RANBP2: variants seen among roughly 807,000 people sequenced by gnomAD.
RANBP2 encodes RAN binding protein 2.
In RANBP2, 57 loss-of-function variants were observed where a neutral mutation model predicts 303.6. The observed-to-expected ratio is 0.19, with a 90% CI of 0.15 to 0.23. The LOEUF (loss-of-function observed/expected upper bound fraction) is 0.23, where lower values mean the gene tolerates loss of function less well. Among genes scored for constraint, RANBP2 ranks in the 10% least tolerant of loss-of-function variants. The pLI is 1.00. For synonymous variants in RANBP2, 1,167 were observed against 1,301.5 expected, an observed-to-expected ratio of 0.90 and a Z score of 2.23; for missense variants, 3,138 against 3,780.8, an observed-to-expected ratio of 0.83 and a Z score of 4.46.
chr2:109,138,854 C>T, the RANBP2 span, among the ~76,000 whole-genome samples: 136 of 152,334 alleles, frequency 8.9e-4, no homozygotes, highest in African/African-American at 3.0e-3. Context: ...GTTGCAAATA[C>T]TGTGTTAAGC....
chr2:109,448,176 T>C, the RANBP2 span, among the ~76,000 whole-genome samples: 1 of 152,220 alleles, frequency 6.6e-6, no homozygotes, highest in African/African-American at 2.4e-5. Context: ...CATGCAGTGG[T>C]GCTTAATAAT....
chr2:109,450,733 A>G, the RANBP2 span, among the ~76,000 whole-genome samples: 1 of 152,128 alleles, frequency 6.6e-6, no homozygotes, highest in Non-Finnish European at 1.5e-5. Flanking sequence ...CTCAGGGCCC[A>G]TGCACTGCCT....
chr2:108,945,923 T>C, the RANBP2 span, among the ~76,000 whole-genome samples: 2 of 152,216 alleles, frequency 1.3e-5, no homozygotes, highest in Non-Finnish European at 2.9e-5. Flanking sequence ...GTCATGAAGA[T>C]GCCTATTCTA....
At chr2:109,049,253 T>C in the RANBP2 span, among the ~76,000 whole-genome samples, 137,425 of 152,248 alleles carry the variant, frequency 0.9, 62,549 homozygotes, top group East Asian at 1. Context: ...GAGAGGGCAG[T>C]ACGTTGAATT....
At chr2:109,086,251 G>T in the RANBP2 span, among the ~76,000 whole-genome samples, 1 of 152,262 alleles carries the variant, frequency 6.6e-6, no homozygotes, top group Non-Finnish European at 1.5e-5. Flanking sequence ...GCAGGTACCT[G>T]TTAGCGTCTG....
the RANBP2 span, among the ~76,000 whole-genome samples, chr2:109,710,069 A>C: frequency 1.3e-5 from 2 of 150,274 alleles, no homozygotes; most frequent in South Asian, 4.2e-4. Flanking sequence ...CCTGGGTGAC[A>C]GAGCAAGACT....
the RANBP2 span, chr2:108,910,334 G>T: frequency 1.3e-6 from 1 of 759,764 alleles, no homozygotes; most frequent in Non-Finnish European, 2.3e-6. Flanking sequence ...GGGACTGTCT[G>T]TCGCCGAACG....
At chr2:108,824,764 GT>G in the RANBP2 span, among the ~76,000 whole-genome samples, 6 of 149,046 alleles carry the variant, frequency 4.0e-5, no homozygotes, top group Admixed American at 1.3e-4. Context: ...CAGCACAGTA[GT>G]TTTTTTTTTA....
intron 7 of RANBP2, among the ~76,000 whole-genome samples, chr2:108,743,539 A>G (rs1462406337): frequency 6.6e-6 from 1 of 152,154 alleles, no homozygotes; most frequent in Non-Finnish European, 1.5e-5. Flanking sequence ...TTGCCCTCCC[A>G]AAGTGCTGGG....
the RANBP2 span, among the ~76,000 whole-genome samples, chr2:109,696,710 C>G: frequency 6.6e-6 from 1 of 152,184 alleles, no homozygotes; most frequent in Non-Finnish European, 1.5e-5. Context: ...TATATACCAA[C>G]TGGGGAGAAT....
the RANBP2 span, among the ~76,000 whole-genome samples, chr2:109,283,416 T>A: frequency 1.3e-5 from 2 of 152,268 alleles, no homozygotes; most frequent in African/African-American, 4.8e-5. Flanking sequence ...AGTATTGAGC[T>A]CACAGAGGGA....
chr2:108,727,049 G>C (rs560122298), intron 1 of RANBP2, among the ~76,000 whole-genome samples: 1 of 152,074 alleles, frequency 6.6e-6, no homozygotes, highest in Non-Finnish European at 1.5e-5. Context: ...ACACAGACAC[G>C]GCAACCATCC....
chr2:109,377,589 A>G, the RANBP2 span, among the ~76,000 whole-genome samples: 2 of 152,214 alleles, frequency 1.3e-5, no homozygotes, highest in Non-Finnish European at 1.5e-5. Context: ...AATGCTGTTT[A>G]TAGATCCTGG....
At chr2:109,485,804 G>A in the RANBP2 span, among the ~76,000 whole-genome samples, 8 of 152,232 alleles carry the variant, frequency 5.3e-5, no homozygotes, top group East Asian at 7.7e-4. Flanking sequence ...TCAGTGTTCC[G>A]TGCCTGGGCA....
chr2:109,614,426 TG>T, the RANBP2 span: 1 of 1,135,550 alleles, frequency 8.8e-7, no homozygotes, highest in Non-Finnish European at 1.1e-6. Flanking sequence ...AGCCGGCCGC[TG>T]GGAGCCCGTC....
the RANBP2 span, chr2:109,543,551 C>T: frequency 6.6e-6 from 1 of 152,044 alleles, no homozygotes; most frequent in African/African-American, 2.4e-5. Context: ...AGTTTTAGCT[C>T]CATAATACAT....
the RANBP2 span, among the ~76,000 whole-genome samples, chr2:109,324,777 C>T: frequency 8.3e-4 from 127 of 152,242 alleles, 2 homozygotes; most frequent in Middle Eastern, 3.4e-3. Context: ...AATGTCCAGA[C>T]GGGGATAGAG....
At chr2:109,296,655 T>C in the RANBP2 span, among the ~76,000 whole-genome samples, 1 of 152,294 alleles carries the variant, frequency 6.6e-6, no homozygotes, top group Admixed American at 6.5e-5. Context: ...CCATCTGTTC[T>C]TGCTCCCTTT....
the RANBP2 span, among the ~76,000 whole-genome samples, chr2:109,153,752 C>T: frequency 6.6e-6 from 1 of 152,318 alleles, no homozygotes; most frequent in East Asian, 1.9e-4. Context: ...GGTTCTGGTG[C>T]ATTTTGGCTA....
Sources: allele counts gnomAD v4.1 joint callset (sites outside exome capture counted in the v4.1 genomes callset), GRCh38; gene constraint gnomAD v4.1.1; transcripts MANE v1.5; gene names NCBI Gene and HGNC (gene_info 2026-07-23, HGNC 2026-07-21).